Variants in BBX observed in about 807,000 individuals in gnomAD.
BBX encodes the protein BBX high mobility group box domain containing.
BBX carries 30 observed loss-of-function variants against 100.2 expected under a neutral mutation model. The ratio of observed to expected loss-of-function variants is 0.30; its 90% CI spans 0.22 to 0.41. The LOEUF is 0.41. Among genes scored for constraint, BBX ranks in the 10% least tolerant of loss-of-function variants. The probability of loss-of-function intolerance (pLI) is 1.00; values close to 1 mark genes in which losing one functional copy is unlikely to be tolerated. For missense variants in BBX, 1,023 were observed against 1,129.8 expected (o/e 0.91, Z 1.35); for synonymous variants, 376 against 388.1 (o/e 0.97, Z 0.37).
intron 2 of BBX, among the ~76,000 whole-genome samples, chr3:107,544,907 C>T (rs1048081067): frequency 3.3e-5 from 5 of 151,168 alleles, no homozygotes; most frequent in African/African-American, 1.2e-4. Flanking sequence ...GTCCCAGCTA[C>T]TCAGGAGGCT....
intron 3 of BBX, among the ~76,000 whole-genome samples, chr3:107,676,538 T>A (rs1042874954): frequency 2.0e-5 from 3 of 152,174 alleles, no homozygotes; most frequent in Non-Finnish European, 2.9e-5. Flanking sequence ...TAACAGTAAT[T>A]ACTGTCCTGA....
intron 3 of BBX, among the ~76,000 whole-genome samples, chr3:107,649,794 G>A (rs1295225369): frequency 6.6e-6 from 1 of 152,188 alleles, no homozygotes; most frequent in Non-Finnish European, 1.5e-5. Context: ...AGTGAGTCCT[G>A]TAGAAATATT....
chr3:107,598,745 CCTT>C (rs2053842701), intron 2 of BBX, among the ~76,000 whole-genome samples: 1 of 152,194 alleles, frequency 6.6e-6, no homozygotes, highest in South Asian at 2.1e-4. Context: ...CTACATCACA[CCTT>C]CTGCTGCCTT....
In BBX at chr3:107,598,547, G is replaced by A. The variant is rs1333774688; in HGVS notation, c.-83-47289G>A. On this transcript the variant is annotated intron_variant, in intron 2 of 17. Coordinates refer to ENST00000325805, the MANE Select transcript of BBX (RefSeq NM_001142568.3). ...ACAGTAAGATTACTTTCTGCTTCCCGGCTTATTTATTTTGGGTGTCAGTTT... is the reference window on the plus strand; with the variant it reads ...ACAGTAAGATTACTTTCTGCTTCCCAGCTTATTTATTTTGGGTGTCAGTTT... Among the ~76,000 whole-genome samples the A allele has an allele frequency of 2.0e-5, 3 of 152,074 alleles. No individual in the cohort carries two copies. In the South Asian group the frequency reaches 6.2e-4, roughly 31 times the overall value.
At chr3:107,700,948 A>G (rs1447965153) in intron 3 of BBX, among the ~76,000 whole-genome samples, 6 of 151,790 alleles carry the variant, frequency 4.0e-5, no homozygotes, top group Admixed American at 1.3e-4. Flanking sequence ...TCCTTTGGGT[A>G]TATACCCAGT....
intron 4 of BBX, 84 bp downstream of exon 4, chr3:107,710,706 A>G (rs1402423306): frequency 2.7e-5 from 35 of 1,300,566 alleles, no homozygotes; most frequent in Non-Finnish European, 3.4e-5. Flanking sequence ...GAATGATATT[A>G]CAAAAGTGTT....
At chr3:107,581,809 A>G (rs583812) in intron 2 of BBX, among the ~76,000 whole-genome samples, 24,513 of 152,092 alleles carry the variant, frequency 0.16, 2,603 homozygotes, top group African/African-American at 0.29. Flanking sequence ...ATCATGTACT[A>G]TGTCCTCTAG....
chr3:107,573,554 C>T (rs1293467643), intron 2 of BBX, among the ~76,000 whole-genome samples: 2 of 151,778 alleles, frequency 1.3e-5, no homozygotes, highest in African/African-American at 2.4e-5. Context: ...AGTGAGACTC[C>T]GTCTCAAAAC....
At chr3:107,561,205 T>G (rs1422689373) in intron 2 of BBX, among the ~76,000 whole-genome samples, 3 of 152,206 alleles carry the variant, frequency 2.0e-5, no homozygotes, top group African/African-American at 7.2e-5. Context: ...ATATAAGATG[T>G]AGAATAAATG....
intron 13 of BBX, among the ~76,000 whole-genome samples, chr3:107,785,251 C>T (rs1362548643): frequency 6.7e-6 from 1 of 149,782 alleles, no homozygotes; most frequent in Non-Finnish European, 1.5e-5. Context: ...AAAGAATTTA[C>T]ACCAATTTTT....
intron 7 of BBX, among the ~76,000 whole-genome samples, chr3:107,744,142 C>G (rs2064369234): frequency 6.6e-6 from 1 of 152,022 alleles, no homozygotes; most frequent in South Asian, 2.1e-4. Flanking sequence ...CATTAGTTCA[C>G]TCCACAAATA....
chr3:107,640,605 C>G (rs954464758), intron 2 of BBX, among the ~76,000 whole-genome samples: 4 of 151,754 alleles, frequency 2.6e-5, no homozygotes, highest in Non-Finnish European at 5.9e-5. Context: ...TGTATGTGAT[C>G]ACCCAACTAG....
intron 2 of BBX, among the ~76,000 whole-genome samples, chr3:107,527,042 A>C (rs1270583410): frequency 1.3e-5 from 2 of 152,236 alleles, no homozygotes; most frequent in Non-Finnish European, 2.9e-5. Flanking sequence ...ATCTGTTGTT[A>C]AGTGCCTTTT....
At chr3:107,778,664 T>C (rs1200206695) in intron 13 of BBX, 145 bp downstream of exon 13, 1 of 911,488 alleles carries the variant, frequency 1.1e-6, no homozygotes, top group Non-Finnish European at 1.6e-6. Context: ...TCCAAGATTA[T>C]CTTTGTCCCT....
In BBX at chr3:107,811,211, T is replaced by C. The variant is rs565009378; in HGVS notation, c.*5754T>C. 20 of 152,338 alleles carry C rather than the reference T, an allele frequency of 1.3e-4. No individual in the cohort carries two copies. Among genetic ancestry groups the C allele is most frequent in the South Asian group, 6.2e-4 (3 of 4,828 alleles). 9.4% of individuals were successfully genotyped at this position (152,338 alleles called of 1,614,324 possible). A position where few individuals can be genotyped will look rare whatever the true frequency, so the allele number is the denominator to read the frequency against. Reference sequence around the variant, plus strand: ...ACTTTGAAATATTTTAAAGATATTATTCAAATATATTTCTTTATGTTCACA... The same window carrying C: ...ACTTTGAAATATTTTAAAGATATTACTCAAATATATTTCTTTATGTTCACA... On this transcript the variant is annotated 3_prime_UTR_variant, in exon 18 of 18. Transcript: ENST00000325805.
At chr3:107,771,735 T>C (rs561497413) in intron 10 of BBX, among the ~76,000 whole-genome samples, 31 of 152,270 alleles carry the variant, frequency 2.0e-4, no homozygotes, top group African/African-American at 6.7e-4. Context: ...GACTTTAGAG[T>C]TGTCTATCAG....
At chr3:107,727,482 A>G (rs1010260705) in intron 5 of BBX, among the ~76,000 whole-genome samples, 1 of 152,104 alleles carries the variant, frequency 6.6e-6, no homozygotes, top group Non-Finnish European at 1.5e-5. Flanking sequence ...TTATTTTTGT[A>G]AGAAAAATGG....
intron 3 of BBX, among the ~76,000 whole-genome samples, chr3:107,648,567 G>A (rs554620587): frequency 1.3e-5 from 2 of 152,108 alleles, no homozygotes; most frequent in Admixed American, 6.5e-5. Context: ...TAGATATAAC[G>A]GGAGCCAAAT....
chr3:107,713,967 C>CTTTTTTTTTTTTTT (rs569427270), intron 4 of BBX, among the ~76,000 whole-genome samples: 5 of 82,282 alleles, frequency 6.1e-5, no homozygotes, highest in Admixed American at 1.5e-4. Context: ...TAATTTTTTT[C>CTTTTTTTTTTTTTT]TTTTTTTTTT....
Sources: gnomAD v4.1 joint callset for allele counts (sites outside exome capture counted in the v4.1 genomes callset) on GRCh38, gnomAD v4.1.1 for gene constraint, MANE v1.5 for transcripts, NCBI Gene and HGNC (gene_info 2026-07-23, HGNC 2026-07-21) for gene names.